SLC30A3: variants seen among roughly 807,000 people sequenced by gnomAD.
SLC30A3 encodes the protein solute carrier family 30 member 3, also known as probable proton-coupled zinc antiporter SLC30A3.
A neutral mutation model predicts 35.6 loss-of-function variants in SLC30A3; 20 were observed. The ratio of observed to expected loss-of-function variants is 0.56; its 90% CI spans 0.39 to 0.82. The LOEUF is 0.82. Ranked by LOEUF, SLC30A3 falls within the 40% of genes least tolerant of loss-of-function variation. The probability of loss-of-function intolerance (pLI) is 0.00; values close to 1 mark genes in which losing one functional copy is unlikely to be tolerated. For missense variants in SLC30A3, 401 were observed against 530.6 expected (o/e 0.76, Z 2.40); for synonymous variants, 217 against 224.7 (o/e 0.97, Z 0.31).
chr2:27,269,679 C>T (rs542538518), intron 1 of SLC30A3, among the ~76,000 whole-genome samples: 2 of 151,900 alleles, frequency 1.3e-5, no homozygotes, highest in African/African-American at 4.8e-5. Context: ...AGCTTAAGGA[C>T]CAAACTGCAG....
rs1253182889 is a variant in SLC30A3, at chr2:27,271,910, G to C, written c.-159+3267C>G. Among the ~76,000 whole-genome samples the C allele has an allele frequency of 6.6e-6, 1 of 152,248 alleles. No individual in the cohort carries two copies. Among genetic ancestry groups the C allele is most frequent in the Non-Finnish European group, 1.5e-5 (1 of 68,046 alleles). On this transcript the variant is annotated intron_variant, in intron 1 of 5. Coordinates refer to the SLC30A3 transcript ENST00000424577. The surrounding 1 kb of genome is among the most constrained non-coding windows in gnomAD (Gnocchi z 4.3). ...TTAGAATGTCAGAGGGCCATGATAA[G>C]AAGTGAAAACATTCTGCAGCCTCTG...
rs1293245994 is a variant in SLC30A3, at chr2:27,257,883, C to T, written c.578+22G>A. The T allele has an allele frequency of 6.2e-7, 1 of 1,606,760 alleles. No individual in the cohort carries two copies. The highest frequency in any genetic ancestry group is 8.5e-7 in the Non-Finnish European group (1 of 1,176,106). The stretch of plus-strand genomic sequence containing the variant: ...CCCTCGCCCTGGGCCCCACAAGGTG[C>T]CTGCTCCATACTGGGACGTACAACA... On this transcript the variant is annotated intron_variant, in intron 4 of 7. Transcript: ENST00000233535. This position sits in a 1 kb window ranked among gnomAD's most constrained non-coding sequence, Gnocchi z 4.7.
chr2:27,274,114 G>C (rs1465391197), intron 1 of SLC30A3, among the ~76,000 whole-genome samples: 1 of 152,222 alleles, frequency 6.6e-6, no homozygotes, highest in South Asian at 2.1e-4. Flanking sequence ...CTGAGGTCAG[G>C]AGTTCGAAAC....
chr2:27,254,725 A>G lies in SLC30A3; in HGVS notation c.*587T>C, dbSNP rs1218714450. On this transcript the variant is annotated 3_prime_UTR_variant, in exon 8 of 8. Coordinates refer to ENST00000233535, the MANE Select transcript of SLC30A3 (RefSeq NM_003459.5). ...CTCATAGAAACCATAGCACAGCCAC[A>G]TAGGCACAGAGACACACAGGCCACA... 2.5e-5 allele frequency: 5 copies of G among 201,826 alleles called. No homozygotes were observed. In the Admixed American group the frequency reaches 2.7e-4, roughly 11 times the overall value. 12.5% of individuals were successfully genotyped at this position (201,826 alleles called of 1,614,324 possible).
chr2:27,267,334 C>T (rs1327812150), upstream of SLC30A3, among the ~76,000 whole-genome samples: 1 of 152,162 alleles, frequency 6.6e-6, no homozygotes, highest in East Asian at 1.9e-4. Context: ...AAACATAGAT[C>T]AGATTTGTCA....
intron 1 of SLC30A3, among the ~76,000 whole-genome samples, chr2:27,259,573 G>C (rs1677070507): frequency 6.6e-6 from 1 of 151,922 alleles, no homozygotes; most frequent in African/African-American, 2.4e-5. Context: ...CTGCACACTT[G>C]AGTTCCTGGC....
At position 27,256,930 on chromosome 2, in the gene SLC30A3, G is replaced by A. The variant is rs781196337; in HGVS notation, c.778-37C>T. The stretch of plus-strand genomic sequence containing the variant: ...GAGACCCCTAAGCCCAACAACCAGG[G>A]ACCTTTCAGAGGAAGATCTAGGGGT... On this transcript the variant is annotated intron_variant, in intron 5 of 7. Coordinates refer to ENST00000233535, the MANE Select transcript of SLC30A3 (RefSeq NM_003459.5). The A allele has an allele frequency of 4.1e-6, 6 of 1,464,742 alleles. No individual in the cohort carries two copies. The South Asian group carries it at 7.0e-5, about 17-fold the overall frequency. 90.7% of individuals were successfully genotyped at this position (1,464,742 alleles called of 1,614,324 possible).
In SLC30A3 at chr2:27,255,470, A is replaced by T. The variant is rs1558555427; in HGVS notation, c.1019-10T>A. On this transcript the variant is annotated splice_polypyrimidine_tract_variant and intron_variant, in intron 7 of 7. Transcript: ENST00000233535. The surrounding 1 kb of genome is among the most constrained non-coding windows in gnomAD (Gnocchi z 5.2). ...GGGTCAGCGGTGGAGTCTGTGGGAGAGTGATAAGAGGCGGCATCCATCCCG... is the reference window on the plus strand; with the variant it reads ...GGGTCAGCGGTGGAGTCTGTGGGAGTGTGATAAGAGGCGGCATCCATCCCG... 2 of 1,611,878 alleles carry T rather than the reference A, an allele frequency of 1.2e-6. No individual in the cohort carries two copies. Among genetic ancestry groups the T allele is most frequent in the Non-Finnish European group, 1.7e-6 (2 of 1,179,356 alleles).
chr2:27,269,181 GT>G (rs888576392), intron 1 of SLC30A3, among the ~76,000 whole-genome samples: 12 of 146,290 alleles, frequency 8.2e-5, no homozygotes, highest in South Asian at 2.2e-4. Context: ...TTAGAGTGTG[GT>G]TTTTTTTTTC....
intron 1 of SLC30A3, among the ~76,000 whole-genome samples, chr2:27,269,868 TAAAA>T (rs1420720121): frequency 6.7e-6 from 1 of 149,404 alleles, no homozygotes; most frequent in Non-Finnish European, 1.5e-5. Flanking sequence ...AAACAAAAAA[TAAAA>T]AAGAAGAAGA....
At chr2:27,263,982 CT>C, upstream of SLC30A3, 1 of 1,257,144 alleles carries the variant, frequency 8.0e-7, no homozygotes, top group Non-Finnish European at 1.0e-6. Context: ...TTGGGGGAAA[CT>C]AAAACCCAGG....
chr2:27,263,460 C>T, upstream of SLC30A3: 1 of 385,920 alleles, frequency 2.6e-6, no homozygotes, highest in Non-Finnish European at 5.4e-6. Context: ...GACCCATTAC[C>T]TATCTCCAGA....
At chr2:27,259,263 G>A (rs1178073515) in intron 1 of SLC30A3, among the ~76,000 whole-genome samples, 1 of 152,184 alleles carries the variant, frequency 6.6e-6, no homozygotes, top group Non-Finnish European at 1.5e-5. Flanking sequence ...GGGAGGCCAA[G>A]GCAGGCAGAT....
At chr2:27,263,535 T>C (rs1052664656), upstream of SLC30A3, 1 of 268,890 alleles carries the variant, frequency 3.7e-6, no homozygotes, top group Non-Finnish European at 7.8e-6. Flanking sequence ...GAAACCCCTT[T>C]ACGGAGAATC....
At chr2:27,268,687 C>T (rs867412504) in intron 1 of SLC30A3, among the ~76,000 whole-genome samples, 1 of 150,646 alleles carries the variant, frequency 6.6e-6, no homozygotes, top group Non-Finnish European at 1.5e-5. Flanking sequence ...TGTGCCACTG[C>T]ACTCCAGCCT....
Position 27,258,521 on chromosome 2 carries a change from T to C in SLC30A3, c.278-214A>G, listed in dbSNP as rs979221202. 1.5e-6 allele frequency: 1 copy of C among 657,706 alleles called. No individual in the cohort carries two copies. Among genetic ancestry groups the C allele is most frequent in the African/African-American group, 1.8e-5 (1 of 54,264 alleles). 40.7% of individuals were successfully genotyped at this position (657,706 alleles called of 1,614,324 possible). ...ATGATTTATTTTAATAACAAGAAAA[T>C]AGGGTTTTTAAAAGAAGTCAGCCCT... On this transcript the variant is annotated intron_variant, in intron 2 of 7. Transcript: ENST00000233535. This position sits in a 1 kb window ranked among gnomAD's most constrained non-coding sequence, Gnocchi z 4.0.
chr2:27,275,380 G>T, upstream of SLC30A3: 1 of 434,596 alleles, frequency 2.3e-6, no homozygotes, highest in Non-Finnish European at 4.2e-6. Context: ...ATAAGTCCCA[G>T]GGCCAATGTG....
upstream of SLC30A3, chr2:27,275,457 G>A (rs532694531): frequency 2.9e-6 from 1 of 347,800 alleles, no homozygotes. Context: ...CGTCGACGCT[G>A]CGCACAAGCG....
upstream of SLC30A3, among the ~76,000 whole-genome samples, chr2:27,267,838 G>A: frequency 6.6e-6 from 1 of 151,834 alleles, no homozygotes; most frequent in Non-Finnish European, 1.5e-5. Context: ...TGGAGGCTGA[G>A]GCAGGAGAAT....
Sources: allele counts gnomAD v4.1 joint callset (sites outside exome capture counted in the v4.1 genomes callset), GRCh38; gene constraint gnomAD v4.1.1; non-coding constraint Gnocchi (gnomAD v3.1); transcripts MANE v1.5; gene names NCBI Gene and HGNC (gene_info 2026-07-23, HGNC 2026-07-21).